LUZP2: variants seen among roughly 807,000 people sequenced by gnomAD.
LUZP2 encodes leucine zipper protein 2.
In LUZP2, 52 loss-of-function variants were observed where a neutral mutation model predicts 51.6. The ratio of observed to expected loss-of-function variants is 1.01; its 90% confidence interval spans 0.81 to 1.27. The LOEUF (loss-of-function observed/expected upper bound fraction) is 1.27, where lower values mean the gene tolerates loss of function less well. LUZP2 is among the 50% of genes most tolerant of loss of function. The probability of loss-of-function intolerance (pLI) is 0.00; values close to 1 mark genes in which losing one functional copy is unlikely to be tolerated. For synonymous variants in LUZP2, 154 were observed against 137.3 expected (o/e 1.12, Z -0.85); for missense variants, 436 against 395.4 (o/e 1.10, Z -0.87).
At chr11:24,737,862 C>A (rs1283575186) in intron 3 of LUZP2, among the ~76,000 whole-genome samples, 1 of 152,174 alleles carries the variant, frequency 6.6e-6, no homozygotes, top group East Asian at 1.9e-4. Flanking sequence ...CTTTTTCTAA[C>A]CAGCATGTTC....
At chr11:24,758,521 A>G (rs1364408696) in intron 4 of LUZP2, among the ~76,000 whole-genome samples, 1 of 152,074 alleles carries the variant, frequency 6.6e-6, no homozygotes, top group Non-Finnish European at 1.5e-5. Flanking sequence ...AGGTTAAATA[A>G]GGATTAAATT....
In LUZP2 at chr11:25,078,569, C is replaced by T. The variant is rs758064203; in HGVS notation, c.952C>T (p.Pro318Ser). 1.2e-5 allele frequency: 19 copies of T among 1,612,322 alleles called. No homozygotes were observed. Among genetic ancestry groups the T allele is most frequent in the Admixed American group, 8.4e-5 (5 of 59,584 alleles). Residue 318 changes from proline (P) to serine (S), a missense_variant, in exon 12 of 12, where the codon CCT (proline) becomes TCT (serine). By Grantham distance (74) the Pro-to-Ser change is moderately conservative (BLOSUM62 -1). Transcript: ENST00000336930. Reference protein sequence around the residue: ...EPIPQKLQMPPCSECEVKKAP... With the variant: ...EPIPQKLQMPSCSECEVKKAP... Reference sequence around the variant, plus strand: ...TGTTTAACAGAAATTGCAAATGCCTCCTTGCTCTGAATGTGAGGTGAAAAA... The same window carrying T: ...TGTTTAACAGAAATTGCAAATGCCTTCTTGCTCTGAATGTGAGGTGAAAAA...
At chr11:24,992,136 C>T (rs1856367001) in intron 9 of LUZP2, among the ~76,000 whole-genome samples, 1 of 151,902 alleles carries the variant, frequency 6.6e-6, no homozygotes, top group African/African-American at 2.4e-5. Context: ...AGACTCTGCC[C>T]TAAATTCCCT....
At chr11:24,591,599 C>T (rs1853263509) in intron 1 of LUZP2, among the ~76,000 whole-genome samples, 1 of 152,148 alleles carries the variant, frequency 6.6e-6, no homozygotes, top group Admixed American at 6.5e-5. Context: ...TAATATGCTT[C>T]TTGAAGCAGA....
chr11:24,821,311 T>A lies in LUZP2; in HGVS notation c.396+58003T>A, dbSNP rs183410351. Among the ~76,000 whole-genome samples the A allele has an allele frequency of 2.0e-3, 301 of 152,246 alleles. 2 individuals are homozygous for A. The highest frequency in any genetic ancestry group is 6.6e-3 in the African/African-American group (275 of 41,548). Reference sequence around the variant, plus strand: ...GTAGTGCCTAGAACACAGTGCATATTCAATTACTACTTGTAGAATGAATGG... The same window carrying A: ...GTAGTGCCTAGAACACAGTGCATATACAATTACTACTTGTAGAATGAATGG... On this transcript the variant is annotated intron_variant, in intron 5 of 11. Coordinates refer to ENST00000336930, the MANE Select transcript of LUZP2 (RefSeq NM_001009909.4).
At chr11:24,807,583 A>G (rs1849893723) in intron 5 of LUZP2, among the ~76,000 whole-genome samples, 1 of 152,150 alleles carries the variant, frequency 6.6e-6, no homozygotes, top group Admixed American at 6.6e-5. Context: ...TCCACAAAGA[A>G]TGAATAGTTG....
At chr11:24,705,385 C>A (rs1857547234) in intron 1 of LUZP2, among the ~76,000 whole-genome samples, 1 of 152,028 alleles carries the variant, frequency 6.6e-6, no homozygotes, top group Admixed American at 6.6e-5. Flanking sequence ...CAAAATCAAT[C>A]GAGGTTTTAA....
intron 9 of LUZP2, among the ~76,000 whole-genome samples, chr11:25,036,706 C>A (rs938578640): frequency 6.6e-6 from 1 of 151,788 alleles, no homozygotes; most frequent in African/African-American, 2.4e-5. Context: ...TTTTTCCTGA[C>A]CTAATGTCAG....
chr11:24,973,190 A>T (rs546610421), intron 7 of LUZP2, among the ~76,000 whole-genome samples: 3 of 150,790 alleles, frequency 2.0e-5, no homozygotes, highest in Non-Finnish European at 4.4e-5. Flanking sequence ...GTTTCTAGGA[A>T]CTTATTCATT....
intron 5 of LUZP2, chr11:24,890,833 A>C (rs1385834292): frequency 2.4e-6 from 2 of 849,074 alleles, no homozygotes; most frequent in Non-Finnish European, 2.8e-6. Flanking sequence ...AGAAATTTCT[A>C]AAATCACATA....
At chr11:24,960,746 T>C (rs942042499) in intron 7 of LUZP2, among the ~76,000 whole-genome samples, 1 of 152,212 alleles carries the variant, frequency 6.6e-6, no homozygotes, top group Non-Finnish European at 1.5e-5. Context: ...CTCTATTTCC[T>C]TCAGTTCTGC....
At chr11:24,597,103 CAA>C in intron 1 of LUZP2, among the ~76,000 whole-genome samples, 1 of 152,184 alleles carries the variant, frequency 6.6e-6, no homozygotes, top group East Asian at 1.9e-4. Context: ...GAGTCAAAAA[CAA>C]CACTTGTGCA....
At chr11:24,521,694 C>T (rs1483629767) in intron 1 of LUZP2, among the ~76,000 whole-genome samples, 1 of 152,014 alleles carries the variant, frequency 6.6e-6, no homozygotes, top group Admixed American at 6.6e-5. Flanking sequence ...ATAACTAGAT[C>T]CAGTGAAGCA....
At chr11:24,786,182 A>AAGC (rs1590523862) in intron 5 of LUZP2, 24 of 972,470 alleles carry the variant, frequency 2.5e-5, no homozygotes, top group Non-Finnish European at 2.9e-5. Flanking sequence ...TAAAACCAAG[A>AAGC]AGCATATTAT....
intron 1 of LUZP2, among the ~76,000 whole-genome samples, chr11:24,682,228 C>T (rs942632421): frequency 2.0e-5 from 3 of 152,106 alleles, no homozygotes; most frequent in East Asian, 3.9e-4. Flanking sequence ...GGTGCCATGG[C>T]TCACACCTGT....
At chr11:24,659,007 G>A (rs1010348428) in intron 1 of LUZP2, among the ~76,000 whole-genome samples, 1 of 151,360 alleles carries the variant, frequency 6.6e-6, no homozygotes, top group Non-Finnish European at 1.5e-5. Context: ...GTGGAAGTCA[G>A]TGTGGTGATT....
chr11:24,576,454 C>G (rs199771369), intron 1 of LUZP2, among the ~76,000 whole-genome samples: 1 of 143,978 alleles, frequency 6.9e-6, no homozygotes, highest in Non-Finnish European at 1.5e-5. Flanking sequence ...ACTAACTTAT[C>G]AAGCCATATT....
At chr11:24,747,515 A>G (rs1379992954) in intron 4 of LUZP2, among the ~76,000 whole-genome samples, 1 of 151,832 alleles carries the variant, frequency 6.6e-6, no homozygotes, top group Non-Finnish European at 1.5e-5. Flanking sequence ...CTATTTTTGT[A>G]CTGGTTGGCC....
intron 9 of LUZP2, among the ~76,000 whole-genome samples, chr11:25,003,015 T>C (rs1432606236): frequency 6.6e-6 from 1 of 152,208 alleles, no homozygotes; most frequent in Middle Eastern, 3.2e-3. Context: ...ATAGGCTGTA[T>C]TCATTCCTTA....
Sources: allele counts gnomAD v4.1 joint callset (sites outside exome capture counted in the v4.1 genomes callset), GRCh38; gene constraint gnomAD v4.1.1; transcripts MANE v1.5; gene names NCBI Gene and HGNC (gene_info 2026-07-23, HGNC 2026-07-21).